The following DTWD2 variants were observed in gnomAD, a reference collection of about 807,000 sequenced individuals.
DTWD2 encodes the protein DTW motif tRNA-uridine aminocarboxypropyltransferase 2.
In DTWD2, 39 loss-of-function variants were observed where a neutral mutation model predicts 31.8. The observed-to-expected ratio is 1.22, with a 90% CI of 0.95 to 1.60. The LOEUF (loss-of-function observed/expected upper bound fraction) is 1.60. Ranked by LOEUF, DTWD2 falls within the 40% of genes most tolerant of loss-of-function variation. DTWD2 has a pLI of 0.00. For synonymous variants in DTWD2, 180 were observed against 142.8 expected (o/e 1.26, Z -1.86); for missense variants, 515 against 381.5 (o/e 1.35, Z -2.92).
intron 4 of DTWD2, among the ~76,000 whole-genome samples, chr5:118,927,196 C>T (rs191370179): frequency 1.3e-5 from 2 of 151,650 alleles, no homozygotes; most frequent in East Asian, 3.9e-4. Context: ...CTAATCACCT[C>T]CCAAAGGTCC....
chr5:118,953,630 A>G (rs534725995), intron 1 of DTWD2, among the ~76,000 whole-genome samples: 2 of 152,276 alleles, frequency 1.3e-5, no homozygotes, highest in South Asian at 4.1e-4. Context: ...GAACCCTAGA[A>G]ACTTGCTAGA....
intron 5 of DTWD2, among the ~76,000 whole-genome samples, chr5:118,847,816 C>G (rs1751894585): frequency 6.6e-6 from 1 of 152,040 alleles, no homozygotes; most frequent in African/African-American, 2.4e-5. Flanking sequence ...AGCCAAAAAA[C>G]TACTTAATGT....
chr5:118,919,022 G>T (rs1004679513), intron 4 of DTWD2, among the ~76,000 whole-genome samples: 18 of 152,142 alleles, frequency 1.2e-4, no homozygotes, highest in Non-Finnish European at 2.5e-4. Context: ...AAAAGTAGAG[G>T]TCATTTGTCT....
At chr5:118,964,084 C>A (rs529677251) in intron 1 of DTWD2, among the ~76,000 whole-genome samples, 3 of 152,134 alleles carry the variant, frequency 2.0e-5, no homozygotes, top group African/African-American at 7.2e-5. Context: ...GTGGCTCACG[C>A]TTGTAATTCC....
At chr5:118,951,182 T>C (rs1187800478) in intron 1 of DTWD2, among the ~76,000 whole-genome samples, 1 of 152,086 alleles carries the variant, frequency 6.6e-6, no homozygotes, top group Non-Finnish European at 1.5e-5. Context: ...GAAGGGCTAG[T>C]CACAGAAGGA....
chr5:118,857,337 T>C (rs544459171), intron 4 of DTWD2, among the ~76,000 whole-genome samples: 4 of 152,280 alleles, frequency 2.6e-5, no homozygotes, highest in African/African-American at 4.8e-5. Context: ...ACTCTTAATA[T>C]GTGTTGGGCT....
chr5:118,944,534 A>C, intron 2 of DTWD2, 25 bp downstream of exon 2: 1 of 1,604,412 alleles, frequency 6.2e-7, no homozygotes, highest in Non-Finnish European at 8.5e-7. Flanking sequence ...TTCTATTTGA[A>C]ATCCTGTATT....
intron 4 of DTWD2, among the ~76,000 whole-genome samples, chr5:118,915,090 G>A (rs977898164): frequency 4.6e-5 from 7 of 152,024 alleles, no homozygotes; most frequent in South Asian, 2.1e-4. Flanking sequence ...GGCAGCACAC[G>A]CCTATAATCC....
At chr5:118,877,641 C>T (rs144470711) in intron 4 of DTWD2, among the ~76,000 whole-genome samples, 117 of 152,098 alleles carry the variant, frequency 7.7e-4, no homozygotes, top group Non-Finnish European at 1.4e-3. Flanking sequence ...ACAAAGATGC[C>T]CTCTTTCACT....
chr5:118,950,209 T>C (rs191893435), intron 1 of DTWD2, among the ~76,000 whole-genome samples: 72 of 92,686 alleles, frequency 7.8e-4, no homozygotes, highest in African/African-American at 3.3e-3. Flanking sequence ...TGAGACTCCA[T>C]CTCCAAAAAA....
chr5:118,925,876 G>T (rs376615221), intron 4 of DTWD2, among the ~76,000 whole-genome samples: 2 of 151,564 alleles, frequency 1.3e-5, no homozygotes, highest in African/African-American at 4.8e-5. Flanking sequence ...TAGATCTACC[G>T]TTCAGTCAAG....
chr5:118,985,664 C>T (rs1046317482), intron 1 of DTWD2, among the ~76,000 whole-genome samples: 10 of 151,554 alleles, frequency 6.6e-5, no homozygotes, highest in African/African-American at 2.2e-4. Context: ...GGCCTAATTT[C>T]GAAGACTGCC....
chr5:118,874,014 G>A (rs1752567211), intron 4 of DTWD2, among the ~76,000 whole-genome samples: 1 of 152,174 alleles, frequency 6.6e-6, no homozygotes, highest in African/African-American at 2.4e-5. Context: ...AAGGCTTAAG[G>A]AGCCAGAGAA....
At chr5:118,927,070 AAGAG>A (rs528701215) in intron 4 of DTWD2, among the ~76,000 whole-genome samples, 3 of 151,660 alleles carry the variant, frequency 2.0e-5, no homozygotes, top group Non-Finnish European at 4.4e-5. Context: ...GAGACAGAGA[AAGAG>A]AGAGAGAGAG....
intron 1 of DTWD2, among the ~76,000 whole-genome samples, chr5:118,949,700 C>T (rs1265486757): frequency 1.3e-5 from 2 of 152,024 alleles, no homozygotes; most frequent in African/African-American, 4.8e-5. Context: ...CATGATCATT[C>T]GCCAAGGTAG....
intron 2 of DTWD2, among the ~76,000 whole-genome samples, chr5:118,943,477 G>C (rs1348255089): frequency 6.6e-6 from 1 of 151,466 alleles, no homozygotes; most frequent in Non-Finnish European, 1.5e-5. Flanking sequence ...CATGAACCTG[G>C]AAGGTGGAGC....
intron 4 of DTWD2, among the ~76,000 whole-genome samples, chr5:118,884,784 A>G (rs1752818777): frequency 1.3e-5 from 2 of 151,848 alleles, no homozygotes; most frequent in Non-Finnish European, 2.9e-5. Flanking sequence ...AGGCAGGAAG[A>G]TCACAAGGTT....
At chr5:118,955,393 G>A (rs1443506401) in intron 1 of DTWD2, among the ~76,000 whole-genome samples, 1 of 152,144 alleles carries the variant, frequency 6.6e-6, no homozygotes, top group East Asian at 1.9e-4. Context: ...CTGACCAACT[G>A]TTAAACCATC....
At chr5:118,930,391 T>C (rs976363752) in intron 3 of DTWD2, among the ~76,000 whole-genome samples, 2 of 152,218 alleles carry the variant, frequency 1.3e-5, no homozygotes, top group Non-Finnish European at 2.9e-5. Flanking sequence ...AAATATAATT[T>C]GGACTTCCAA....
Sources: allele counts gnomAD v4.1 joint callset (sites outside exome capture counted in the v4.1 genomes callset), GRCh38; gene constraint gnomAD v4.1.1; transcripts MANE v1.5; gene names NCBI Gene and HGNC (gene_info 2026-07-23, HGNC 2026-07-21).